The following CASTOR2 variants were observed in gnomAD, a reference collection of about 807,000 sequenced individuals.
CASTOR2 encodes GATS protein like 2.
CASTOR2 carries 8 observed loss-of-function variants against 31.2 expected under a neutral mutation model. The observed-to-expected ratio is 0.26, with a 90% CI of 0.15 to 0.46. The LOEUF is 0.46. CASTOR2 is among the 20% of genes least tolerant of loss of function. The pLI is 0.99. For synonymous variants in CASTOR2, 162 were observed against 158.7 expected (o/e 1.02, Z -0.16); for missense variants, 216 against 382.1 (o/e 0.57, Z 3.62).
chr7:75,010,269 A>G (rs1166715079), intron 2 of CASTOR2, among the ~76,000 whole-genome samples: 2 of 152,210 alleles, frequency 1.3e-5, no homozygotes, highest in African/African-American at 4.8e-5. Context: ...GGAGAGTTGA[A>G]TGAGAAAGTA....
At chr7:75,017,513 T>G in intron 2 of CASTOR2, 85 bp from the exon 3 acceptor site, 1 of 1,479,612 alleles carries the variant, frequency 6.8e-7, no homozygotes, top group Non-Finnish European at 9.3e-7. Context: ...AGAGCATCAC[T>G]CTCCACCTCT....
Position 75,029,056 on chromosome 7 carries a change from G to T in CASTOR2, c.*4357G>T, listed in dbSNP as rs1427726498. On this transcript the variant is annotated 3_prime_UTR_variant, in exon 9 of 9. Coordinates refer to ENST00000616305, the MANE Select transcript of CASTOR2 (RefSeq NM_001145064.3). ...GAGGAGGCTTGGTCTGGAGGGGCTT[G>T]CCCCTCTGAGGTGACAGAGGATGCC... 2.0e-5 allele frequency among the ~76,000 whole-genome samples: 3 copies of T among 152,200 alleles called. No individual in the cohort carries two copies. The highest frequency in any genetic ancestry group is 4.4e-5 in the Non-Finnish European group (3 of 68,036).
intron 1 of CASTOR2, among the ~76,000 whole-genome samples, chr7:74,975,264 G>A (rs1803775434): frequency 6.6e-6 from 1 of 151,336 alleles, no homozygotes; most frequent in African/African-American, 2.4e-5. Flanking sequence ...ACTGCGCCTG[G>A]CCAACTGTGG....
chr7:75,021,777 C>A lies in CASTOR2; in HGVS notation c.747-97C>A, dbSNP rs971017692. ...CTGAGGTCTGCCCAACCCTGCCTGG[C>A]CAGCCCCATGCCTCGCTCTGGCTGG... On this transcript the variant is annotated intron_variant, in intron 6 of 8. Coordinates refer to ENST00000616305, the MANE Select transcript of CASTOR2 (RefSeq NM_001145064.3). The A allele has an allele frequency of 5.8e-4, 860 of 1,470,700 alleles. 17 individuals are homozygous for A. The South Asian group carries it at 9.9e-3, about 17-fold the overall frequency. 91.1% of individuals were successfully genotyped at this position (1,470,700 alleles called of 1,614,324 possible).
At chr7:75,013,522 G>A (rs1158315713) in intron 2 of CASTOR2, among the ~76,000 whole-genome samples, 1 of 152,060 alleles carries the variant, frequency 6.6e-6, no homozygotes, top group Non-Finnish European at 1.5e-5. Flanking sequence ...ACATGGCTGT[G>A]GTCCCAGCTA....
chr7:75,005,761 G>A lies in CASTOR2; in HGVS notation c.114-2233G>A, dbSNP rs1384856502. On this transcript the variant is annotated intron_variant, in intron 1 of 8. Transcript: ENST00000616305. ...TCCCAGCACTTTGGAAAGCCAAAGA[G>A]GGAGGATTGCTTGAGGACAAGAGTT... 9.2e-5 allele frequency among the ~76,000 whole-genome samples: 14 copies of A among 152,300 alleles called. No individual in the cohort carries two copies. In the South Asian group the frequency reaches 2.9e-3, roughly 32 times the overall value.
intron 2 of CASTOR2, among the ~76,000 whole-genome samples, chr7:75,017,178 G>A (rs1246770165): frequency 6.6e-6 from 1 of 152,138 alleles, no homozygotes; most frequent in Non-Finnish European, 1.5e-5. Context: ...GCTGGGTGCG[G>A]TGGCTCACGC....
At chr7:74,985,970 C>G (rs1286211089) in intron 1 of CASTOR2, among the ~76,000 whole-genome samples, 1 of 151,978 alleles carries the variant, frequency 6.6e-6, no homozygotes, top group African/African-American at 2.4e-5. Flanking sequence ...CTCTGTTGCC[C>G]AGGCTGGAGG....
rs1000639066 is a variant in CASTOR2 at position 75,025,007 on chromosome 7, C to T, written c.*308C>T. ...TTGTGAGCTGATCCGCCTTCTCATC[C>T]GGCCTCACCCACGGCCAGGGGCAGA... On this transcript the variant is annotated 3_prime_UTR_variant, in exon 9 of 9. Coordinates refer to ENST00000616305, the MANE Select transcript of CASTOR2 (RefSeq NM_001145064.3). Among the ~76,000 whole-genome samples the T allele has an allele frequency of 2.0e-4, 31 of 152,344 alleles. No homozygotes were observed. The highest frequency in any genetic ancestry group is 2.8e-4 in the Non-Finnish European group (19 of 68,022).
chr7:75,018,125 G>A lies in CASTOR2; in HGVS notation c.511+3G>A. ...TGGCTTCGTGAAGCCCAAGCTGGGT[G>A]AGCTGGGGGCGGGGGTTTGTGCAGG... On this transcript the variant is annotated splice_donor_region_variant and intron_variant, in intron 4 of 8. Transcript: ENST00000616305. 2 of 1,613,974 alleles carry A rather than the reference G, an allele frequency of 1.2e-6. No homozygotes were observed. Among genetic ancestry groups the A allele is most frequent in the Non-Finnish European group, 1.7e-6 (2 of 1,179,862 alleles).
rs1475477106 is a variant in CASTOR2, at chr7:75,024,928, T to C, written c.*229T>C. ...CCCCCCGACCCTCCAGAGAACGACC[T>C]TTCTCTTCCCTACCTCCCCCACCCC... On this transcript the variant is annotated 3_prime_UTR_variant, in exon 9 of 9. Coordinates refer to ENST00000616305, the MANE Select transcript of CASTOR2 (RefSeq NM_001145064.3). The C allele has an allele frequency of 1.9e-5, 19 of 1,017,880 alleles. No individual in the cohort carries two copies. The highest frequency in any genetic ancestry group is 6.4e-4 in the Middle Eastern group (2 of 3,146). The allele number at this position is 1,017,880 out of a possible 1,614,324, so 63.1% of individuals were successfully genotyped here.
chr7:74,993,949 G>A (rs1443674341), intron 1 of CASTOR2, among the ~76,000 whole-genome samples: 8 of 152,340 alleles, frequency 5.3e-5, no homozygotes, highest in African/African-American at 1.4e-4. Context: ...CTGCCTTGGG[G>A]TTTCAGGTCT....
At chr7:75,007,838 G>A (rs1804639284) in intron 1 of CASTOR2, 156 bp from the exon 2 acceptor site, 4 of 886,016 alleles carry the variant, frequency 4.5e-6, no homozygotes, top group Admixed American at 2.0e-5. Flanking sequence ...AGGGGGACAT[G>A]AAGGGAGAGA....
At chr7:74,986,126 C>T (rs1428905610) in intron 1 of CASTOR2, among the ~76,000 whole-genome samples, 2 of 151,940 alleles carry the variant, frequency 1.3e-5, no homozygotes, top group Admixed American at 6.6e-5. Flanking sequence ...GATGGGGTTT[C>T]GCCACGTTGG....
intron 2 of CASTOR2, among the ~76,000 whole-genome samples, chr7:75,010,028 G>A (rs1209149240): frequency 6.6e-6 from 1 of 151,464 alleles, no homozygotes; most frequent in Non-Finnish European, 1.5e-5. Flanking sequence ...TCAGCCTCCC[G>A]AGTAGCTGAG....
intron 1 of CASTOR2, among the ~76,000 whole-genome samples, chr7:75,002,520 C>A (rs1804520151): frequency 6.6e-6 from 1 of 152,142 alleles, no homozygotes; most frequent in African/African-American, 2.4e-5. Context: ...ACCTGGGAGG[C>A]TGAGGCTGGA....
intron 1 of CASTOR2, among the ~76,000 whole-genome samples, chr7:74,982,433 A>G (rs1803968089): frequency 6.6e-6 from 1 of 151,618 alleles, no homozygotes; most frequent in Non-Finnish European, 1.5e-5. Flanking sequence ...CTCGCGGTGA[A>G]TTTCCTGGGT....
chr7:74,999,152 T>C (rs1804429014), intron 1 of CASTOR2, among the ~76,000 whole-genome samples: 2 of 151,964 alleles, frequency 1.3e-5, no homozygotes, highest in South Asian at 2.1e-4. Context: ...CCCGCCACCA[T>C]GCCCAGCTAA....
chr7:75,000,953 G>A (rs1417790169), intron 1 of CASTOR2, among the ~76,000 whole-genome samples: 30 of 152,194 alleles, frequency 2.0e-4, no homozygotes, highest in African/African-American at 3.6e-4. Flanking sequence ...ATGATCCACC[G>A]CACCCGGCAG....
Sources: gnomAD v4.1 joint callset for allele counts (sites outside exome capture counted in the v4.1 genomes callset) on GRCh38, gnomAD v4.1.1 for gene constraint, MANE v1.5 for transcripts, NCBI Gene and HGNC (gene_info 2026-07-23, HGNC 2026-07-21) for gene names.